Variants in GAP43 observed in about 807,000 individuals in gnomAD.
GAP43 encodes the protein neuromodulin.
Under a neutral mutation model 18.6 loss-of-function variants are expected in GAP43, and 6 were observed. The ratio of observed to expected loss-of-function variants is 0.32; its 90% confidence interval spans 0.18 to 0.64. The LOEUF (loss-of-function observed/expected upper bound fraction) is 0.64, where lower values mean the gene tolerates loss of function less well. GAP43 is among the 30% of genes least tolerant of loss of function. The probability of loss-of-function intolerance (pLI) is 0.78; values close to 1 mark genes in which losing one functional copy is unlikely to be tolerated. For synonymous variants in GAP43, 115 were observed against 111.4 expected (o/e 1.03, Z -0.20); for missense variants, 292 against 295.5 (o/e 0.99, Z 0.09).
chr3:115,705,600 G>C (rs1402775782), intron 2 of GAP43, among the ~76,000 whole-genome samples: 1 of 151,964 alleles, frequency 6.6e-6, no homozygotes, highest in African/African-American at 2.4e-5. Context: ...TGACATTGTT[G>C]AAAATAATGG....
Position 115,661,803 on chromosome 3 carries a change from G to A in GAP43, c.31-14210G>A, listed in dbSNP as rs1018474455. 7.0e-5 allele frequency among the ~76,000 whole-genome samples: 10 copies of A among 143,050 alleles called. 1 individual carries two copies. Among genetic ancestry groups the A allele is most frequent in the Admixed American group, 2.1e-4 (3 of 14,138 alleles). The allele number at this position is 143,050 out of a possible 152,430, so 93.8% of individuals were successfully genotyped here. A position where few individuals can be genotyped will look rare whatever the true frequency, so the allele number is the denominator to read the frequency against. The stretch of plus-strand genomic sequence containing the variant: ...GCACCCAGCAATATGACTTTGAATC[G>A]CAAGTTTGGCTTGGGGAGAAACTAG... On this transcript the variant is annotated intron_variant, in intron 1 of 2. Coordinates refer to ENST00000305124, the MANE Select transcript of GAP43 (RefSeq NM_002045.4).
At chr3:115,720,080 C>T (rs1709557694) in intron 2 of GAP43, among the ~76,000 whole-genome samples, 2 of 152,190 alleles carry the variant, frequency 1.3e-5, no homozygotes, top group African/African-American at 4.8e-5. Flanking sequence ...TTTAAAGAGG[C>T]TAGTGACTTG....
rs1708141853 is a variant in GAP43, at chr3:115,623,613, A to T, written c.-77A>T. The stretch of plus-strand genomic sequence containing the variant: ...GCGAGTGAGCAAGCGAGCAGAAAAG[A>T]GGTGGAGAGGGGGGGAATAAGAAAG... On this transcript the variant is annotated 5_prime_UTR_variant, in exon 1 of 3. Coordinates refer to ENST00000305124, the MANE Select transcript of GAP43 (RefSeq NM_002045.4). The T allele has an allele frequency of 4.4e-6, 7 of 1,574,142 alleles. No homozygotes were observed. The highest frequency in any genetic ancestry group is 6.1e-6 in the Non-Finnish European group (7 of 1,145,022).
intron 1 of GAP43, among the ~76,000 whole-genome samples, chr3:115,641,084 C>G (rs1368811980): frequency 7.0e-6 from 1 of 142,138 alleles, no homozygotes; most frequent in Non-Finnish European, 1.5e-5. Flanking sequence ...AGACTGGTCT[C>G]GAGCTCCTGG....
intron 1 of GAP43, among the ~76,000 whole-genome samples, chr3:115,638,209 A>G (rs191296643): frequency 6.6e-6 from 1 of 152,088 alleles, no homozygotes; most frequent in East Asian, 1.9e-4. Context: ...TATCTCCCCT[A>G]TTTAAAAATC....
chr3:115,697,957 T>C (rs1709218593), intron 2 of GAP43, among the ~76,000 whole-genome samples: 2 of 138,222 alleles, frequency 1.4e-5, no homozygotes, highest in South Asian at 4.4e-4. Context: ...AAGGAACCAC[T>C]GCATAAAAAT....
intron 1 of GAP43, among the ~76,000 whole-genome samples, chr3:115,649,587 G>A (rs1365517527): frequency 6.6e-6 from 1 of 151,962 alleles, no homozygotes; most frequent in East Asian, 1.9e-4. Flanking sequence ...GTTCCTTATG[G>A]AGAAATGATA....
chr3:115,634,677 G>A (rs928480658), intron 1 of GAP43, among the ~76,000 whole-genome samples: 3 of 152,022 alleles, frequency 2.0e-5, no homozygotes, highest in Non-Finnish European at 4.4e-5. Context: ...GGCTGATGAG[G>A]AAGGATCTCT....
intron 1 of GAP43, among the ~76,000 whole-genome samples, chr3:115,654,604 T>C (rs568945039): frequency 8.5e-5 from 13 of 152,294 alleles, no homozygotes; most frequent in African/African-American, 3.1e-4. Flanking sequence ...CTGCCAAACG[T>C]TGGCTGGACA....
intron 1 of GAP43, among the ~76,000 whole-genome samples, chr3:115,659,389 A>G (rs1708628375): frequency 6.6e-6 from 1 of 151,828 alleles, no homozygotes; most frequent in Non-Finnish European, 1.5e-5. Context: ...TTCGGGGGGG[A>G]GGGTAAACGA....
chr3:115,623,737 T>C lies in GAP43; in HGVS notation c.30+18T>C. 3 of 1,614,046 alleles carry C rather than the reference T, an allele frequency of 1.9e-6. No homozygotes were observed. The highest frequency in any genetic ancestry group is 2.5e-6 in the Non-Finnish European group (3 of 1,179,878). ...CCAAACAGGTAGAGCTAAAGATTTT[T>C]TACTTCTTGCTGTTGTGAAATAACC... is the stretch of plus-strand genomic sequence containing the variant. On this transcript the variant is annotated intron_variant, in intron 1 of 2. Coordinates refer to ENST00000305124, the MANE Select transcript of GAP43 (RefSeq NM_002045.4).
At position 115,669,869 on chromosome 3, in the gene GAP43, G is replaced by A. The variant is rs116158224; in HGVS notation, c.31-6144G>A. ...GTTTCATTGCTTCTCTGCGCACTCT[G>A]CTCCCCATTCCCCTCATACCCTAGG... is the stretch of plus-strand genomic sequence containing the variant. On this transcript the variant is annotated intron_variant, in intron 1 of 2. Coordinates refer to ENST00000305124, the MANE Select transcript of GAP43 (RefSeq NM_002045.4). 2.1e-3 allele frequency among the ~76,000 whole-genome samples: 324 copies of A among 151,338 alleles called. 1 individual carries two copies. The highest frequency in any genetic ancestry group is 7.6e-3 in the African/African-American group (313 of 41,238).
At chr3:115,676,678 C>T (rs1229508950) in intron 2 of GAP43, 68 bp downstream of exon 2, 34 of 1,416,254 alleles carry the variant, frequency 2.4e-5, no homozygotes, top group Non-Finnish European at 3.0e-5. Flanking sequence ...GAAGACCAGG[C>T]CACCTGGGTC....
At chr3:115,687,141 A>G (rs1274790057) in intron 2 of GAP43, among the ~76,000 whole-genome samples, 1 of 145,512 alleles carries the variant, frequency 6.9e-6, no homozygotes, top group Non-Finnish European at 1.5e-5. Context: ...ATCTATCCCT[A>G]CCCTCTAGGT....
rs568156449 is a variant in GAP43 at position 115,642,304 on chromosome 3, A to G, written c.30+18585A>G. On this transcript the variant is annotated intron_variant, in intron 1 of 2. Coordinates refer to ENST00000305124, the MANE Select transcript of GAP43 (RefSeq NM_002045.4). Reference sequence around the variant, plus strand: ...ATCATCAAGACCAATTTTAGACACAATATCTCCTCTAATATTATATTACAA... The same window carrying G: ...ATCATCAAGACCAATTTTAGACACAGTATCTCCTCTAATATTATATTACAA... 2.4e-4 allele frequency among the ~76,000 whole-genome samples: 37 copies of G among 152,096 alleles called. No individual in the cohort carries two copies. The South Asian group carries it at 7.7e-3, about 32-fold the overall frequency.
intron 1 of GAP43, among the ~76,000 whole-genome samples, chr3:115,624,772 C>T (rs1366058495): frequency 6.6e-6 from 1 of 152,032 alleles, no homozygotes; most frequent in Non-Finnish European, 1.5e-5. Flanking sequence ...ACCGACCATG[C>T]CATGGCAGTC....
Position 115,623,543 on chromosome 3 carries a change from GGAGA to G in GAP43, c.-141_-138del, listed in dbSNP as rs1453326231. 9 of 923,266 alleles carry G rather than the reference GGAGA, an allele frequency of 9.7e-6. No homozygotes were observed. Among genetic ancestry groups the G allele is most frequent in the Non-Finnish European group, 1.4e-5 (8 of 586,326 alleles). 57.2% of individuals were successfully genotyped at this position (923,266 alleles called of 1,614,324 possible). A position where few individuals can be genotyped will look rare whatever the true frequency, so the allele number is the denominator to read the frequency against. On this transcript the variant is annotated 5_prime_UTR_variant, in exon 1 of 3. Coordinates refer to ENST00000305124, the MANE Select transcript of GAP43 (RefSeq NM_002045.4). Reference sequence around the variant, plus strand: ...TGCTAACTGCCCTGGTGTGTGTGAGGGAGAGAGAGGGAGGGAGGGAGAGAGAGCG... The same window carrying G: ...TGCTAACTGCCCTGGTGTGTGTGAGGGAGAGGGAGGGAGGGAGAGAGAGCG...
chr3:115,698,188 T>TATATA (rs1491402288), intron 2 of GAP43, among the ~76,000 whole-genome samples: 243 of 8,626 alleles, frequency 0.028, no homozygotes, highest in Non-Finnish European at 0.069. Flanking sequence ...ATATATATAT[T>TATATA]AAATATATAT....
chr3:115,704,710 G>A (rs1264066946), intron 2 of GAP43, among the ~76,000 whole-genome samples: 1 of 152,100 alleles, frequency 6.6e-6, no homozygotes, highest in East Asian at 1.9e-4. Context: ...AGAGATGCAA[G>A]TTAAAATCAA....
Sources: gnomAD v4.1 joint callset for allele counts (sites outside exome capture counted in the v4.1 genomes callset) on GRCh38, gnomAD v4.1.1 for gene constraint, MANE v1.5 for transcripts, NCBI Gene and HGNC (gene_info 2026-07-23, HGNC 2026-07-21) for gene names.